Variants in FOXP2 observed in about 807,000 individuals in gnomAD.
FOXP2 encodes forkhead box protein P2.
FOXP2 carries 12 observed loss-of-function variants against 115.8 expected under a neutral mutation model. The observed-to-expected ratio is 0.10, with a 90% CI of 0.07 to 0.17. The LOEUF (loss-of-function observed/expected upper bound fraction) is 0.17. FOXP2 is among the 10% of genes least tolerant of loss of function. FOXP2 has a pLI of 1.00. For synonymous variants in FOXP2, 328 were observed against 297.7 expected (o/e 1.10, Z -1.05); for missense variants, 629 against 843.5 (o/e 0.75, Z 3.15).
chr7:114,690,022 A>G lies in FOXP2; in HGVS notation c.*96A>G, dbSNP rs765304609. On this transcript the variant is annotated 3_prime_UTR_variant, in exon 17 of 17. Coordinates refer to ENST00000350908, the MANE Select transcript of FOXP2 (RefSeq NM_014491.4). The stretch of plus-strand genomic sequence containing the variant: ...TATTTGACAAATTTTTACTGTGACT[A>G]TTTATTAAGCATGGATAAAGGAGAC... The G allele has an allele frequency of 1.5e-5, 22 of 1,467,600 alleles. No individual in the cohort carries two copies. Among genetic ancestry groups the G allele is most frequent in the Middle Eastern group, 1.7e-4 (1 of 5,866 alleles). 90.9% of individuals were successfully genotyped at this position (1,467,600 alleles called of 1,614,324 possible). A position where few individuals can be genotyped will look rare whatever the true frequency, so the allele number is the denominator to read the frequency against.
At chr7:114,634,749 T>G (rs1013718836) in intron 6 of FOXP2, among the ~76,000 whole-genome samples, 5 of 152,068 alleles carry the variant, frequency 3.3e-5, no homozygotes, top group Admixed American at 6.6e-5. Flanking sequence ...TTATATATTA[T>G]CTAGTAATGA....
chr7:114,529,009 G>T (rs1283885298), intron 2 of FOXP2, among the ~76,000 whole-genome samples: 1 of 151,710 alleles, frequency 6.6e-6, no homozygotes, highest in Admixed American at 6.6e-5. Context: ...AAGTTGGACG[G>T]AATTCATTAA....
At chr7:114,102,198 T>C (rs184341515) in intron 1 of FOXP2, among the ~76,000 whole-genome samples, 169 of 152,184 alleles carry the variant, frequency 1.1e-3, no homozygotes, top group Non-Finnish European at 1.4e-3. Context: ...ATAACTCTTG[T>C]GTTTCTTTGG....
chr7:114,157,172 C>T (rs976229059), intron 1 of FOXP2, among the ~76,000 whole-genome samples: 1 of 152,044 alleles, frequency 6.6e-6, no homozygotes, highest in Non-Finnish European at 1.5e-5. Flanking sequence ...AATAAAGTTA[C>T]ATTGTTAAGA....
At chr7:114,309,645 G>T (rs1242362349) in intron 2 of FOXP2, among the ~76,000 whole-genome samples, 2 of 151,954 alleles carry the variant, frequency 1.3e-5, no homozygotes, top group African/African-American at 4.8e-5. Flanking sequence ...TTTCCCCATA[G>T]TTCTCAGCTC....
intron 1 of FOXP2, among the ~76,000 whole-genome samples, chr7:114,257,095 A>G (rs1181400825): frequency 6.6e-6 from 1 of 152,228 alleles, no homozygotes; most frequent in Non-Finnish European, 1.5e-5. Flanking sequence ...ACCAAAACAG[A>G]CACATAAACC....
intron 4 of FOXP2, among the ~76,000 whole-genome samples, chr7:114,629,298 G>T (rs993996393): frequency 2.0e-5 from 3 of 152,100 alleles, no homozygotes; most frequent in African/African-American, 7.2e-5. Flanking sequence ...TTATTAGAGA[G>T]AAAATAATGT....
At chr7:114,341,290 T>C (rs1401117694) in intron 2 of FOXP2, among the ~76,000 whole-genome samples, 3 of 151,266 alleles carry the variant, frequency 2.0e-5, no homozygotes, top group Non-Finnish European at 4.4e-5. Flanking sequence ...GTTTTCTAAC[T>C]CAGTAAGACA....
At chr7:114,561,677 A>G (rs779946542) in intron 3 of FOXP2, among the ~76,000 whole-genome samples, 7 of 152,328 alleles carry the variant, frequency 4.6e-5, no homozygotes, top group Non-Finnish European at 8.8e-5. Context: ...AAAACTTTAC[A>G]CTAATCCATG....
intron 3 of FOXP2, among the ~76,000 whole-genome samples, chr7:114,573,833 AG>A (rs1801438809): frequency 6.6e-6 from 1 of 151,880 alleles, no homozygotes; most frequent in African/African-American, 2.4e-5. Context: ...TACCAAATGA[AG>A]GTTAAAGCCC....
At chr7:114,192,771 G>A (rs188379870) in intron 1 of FOXP2, among the ~76,000 whole-genome samples, 94 of 152,204 alleles carry the variant, frequency 6.2e-4, no homozygotes, top group African/African-American at 2.2e-3. Flanking sequence ...ATTTATAGAA[G>A]ACAGATTCTA....
Position 114,261,422 on chromosome 7 carries a change from C to T in FOXP2, c.-101-26597C>T, listed in dbSNP as rs115959196. ...GTTACCTCTGCACTCCTATTCCTTG[C>T]GTGTTTCATTGTATTTTGATTATCT... is the stretch of plus-strand genomic sequence containing the variant. On this transcript the variant is annotated intron_variant, in intron 1 of 17. Coordinates refer to the FOXP2 transcript ENST00000634411. Among the ~76,000 whole-genome samples the T allele has an allele frequency of 4.1e-3, 625 of 152,170 alleles. 4 individuals are homozygous for T. Among genetic ancestry groups the T allele is most frequent in the African/African-American group, 0.014 (590 of 41,538 alleles).
At chr7:114,239,074 T>C (rs1258767906) in intron 1 of FOXP2, among the ~76,000 whole-genome samples, 1 of 151,822 alleles carries the variant, frequency 6.6e-6, no homozygotes, top group Non-Finnish European at 1.5e-5. Flanking sequence ...GTAAAAATGC[T>C]GAACAAAAAT....
At chr7:114,443,094 G>A (rs1207832025) in intron 2 of FOXP2, among the ~76,000 whole-genome samples, 3 of 152,136 alleles carry the variant, frequency 2.0e-5, no homozygotes, top group African/African-American at 7.2e-5. Context: ...AATGCACATT[G>A]TGTGATCATT....
intron 2 of FOXP2, among the ~76,000 whole-genome samples, chr7:114,434,238 T>C (rs1463928638): frequency 6.6e-6 from 1 of 151,882 alleles, no homozygotes; most frequent in Non-Finnish European, 1.5e-5. Context: ...CATTTTGAGT[T>C]CAAAATACTA....
chr7:114,129,573 G>A (rs1206995189), intron 1 of FOXP2, among the ~76,000 whole-genome samples: 4 of 152,130 alleles, frequency 2.6e-5, no homozygotes, highest in Non-Finnish European at 5.9e-5. Context: ...GTGTGTTTTT[G>A]GAGTTCAAGT....
intron 1 of FOXP2, among the ~76,000 whole-genome samples, chr7:114,120,021 A>G (rs1791515239): frequency 3.9e-5 from 6 of 152,200 alleles, no homozygotes; most frequent in Admixed American, 3.9e-4. Context: ...AGAGGTATAG[A>G]AAATCCCATG....
chr7:114,447,504 T>C (rs1562931977), intron 2 of FOXP2, among the ~76,000 whole-genome samples: 1 of 152,156 alleles, frequency 6.6e-6, no homozygotes. Context: ...TGCAGCCAAA[T>C]TGAACCTTTT....
At chr7:114,170,335 T>A (rs560991369) in intron 1 of FOXP2, among the ~76,000 whole-genome samples, 30 of 152,292 alleles carry the variant, frequency 2.0e-4, no homozygotes, top group Admixed American at 1.3e-3. Context: ...CTTCCTTCCC[T>A]CTTCCCTAAA....
Sources: allele counts gnomAD v4.1 joint callset (sites outside exome capture counted in the v4.1 genomes callset), GRCh38; gene constraint gnomAD v4.1.1; transcripts MANE v1.5; gene names NCBI Gene and HGNC (gene_info 2026-07-23, HGNC 2026-07-21).